KALRN: variants seen among roughly 807,000 people sequenced by gnomAD.
KALRN encodes the protein kalirin RhoGEF kinase.
KALRN carries 70 observed loss-of-function variants against 353.7 expected under a neutral mutation model. That is an observed-to-expected ratio of 0.20 (90% confidence interval 0.16 to 0.24). KALRN has a LOEUF of 0.24. KALRN is among the 10% of genes least tolerant of loss of function. The probability of loss-of-function intolerance (pLI) is 1.00; values close to 1 mark genes in which losing one functional copy is unlikely to be tolerated. For synonymous variants in KALRN, 1,391 were observed against 1,434.8 expected, an observed-to-expected ratio of 0.97 and a Z score of 0.69; for missense variants, 2,791 against 3,756.7, an observed-to-expected ratio of 0.74 and a Z score of 6.72.
rs1488983759 is a variant in KALRN, at chr3:124,661,915, T to G, written c.6332T>G (p.Leu2111Arg). 1.2e-6 allele frequency: 2 copies of G among 1,613,888 alleles called. No homozygotes were observed. Among genetic ancestry groups the G allele is most frequent in the Non-Finnish European group, 1.7e-6 (2 of 1,179,776 alleles). ...AATGACATGATGAATCTAGGACGTC[T>G]GCAGGGCTTTGAGGTGAGTCTTTAA... The part of the protein sequence containing the change: ...RCNDMMNLGR[L>R]QGFEGTLTAQ... The change falls in exon 45 of 60, where the codon CTG becomes CGG. Residue 2111 changes from leucine to arginine, a missense_variant. Physicochemically the swap from Leu to Arg is moderately radical, Grantham distance 102. Around this residue, in one of 11 missense-constraint regions of KALRN, gnomAD observed 1,065 missense variants for 1,156.4 expected, o/e 0.92. Coordinates refer to ENST00000682506, the MANE Select transcript of KALRN (RefSeq NM_001388419.1).
intron 1 of KALRN, among the ~76,000 whole-genome samples, chr3:124,123,689 T>A (rs1264012549): frequency 6.6e-6 from 1 of 152,186 alleles, no homozygotes; most frequent in Non-Finnish European, 1.5e-5. Flanking sequence ...AGAAGAGAAG[T>A]CACTGTCTGG....
intron 34 of KALRN, among the ~76,000 whole-genome samples, chr3:124,578,540 G>A: frequency 6.6e-6 from 1 of 152,226 alleles, no homozygotes; most frequent in East Asian, 1.9e-4. Flanking sequence ...CAGTGTGAGT[G>A]GCCTTGGGCC....
At chr3:124,642,956 A>G (rs1488927523) in intron 37 of KALRN, among the ~76,000 whole-genome samples, 1 of 151,738 alleles carries the variant, frequency 6.6e-6, no homozygotes, top group Non-Finnish European at 1.5e-5. Flanking sequence ...AGCTGGGATT[A>G]ACAGGCATGC....
In KALRN at chr3:124,719,604, C is replaced by T; in HGVS notation, c.*134C>T. The stretch of plus-strand genomic sequence containing the variant: ...GAATTGAGAGATGTACCTCTTAAAC[C>T]TCGTCAGTGGTTATTCAGGGTCTGA... On this transcript the variant is annotated 3_prime_UTR_variant, in exon 60 of 60. Coordinates refer to ENST00000682506, the MANE Select transcript of KALRN (RefSeq NM_001388419.1). This position sits in a 1 kb window ranked among gnomAD's most constrained non-coding sequence, Gnocchi z 5.3. 1 of 848,526 alleles carries T rather than the reference C, an allele frequency of 1.2e-6. No homozygotes were observed. The highest frequency in any genetic ancestry group is 1.8e-6 in the Non-Finnish European group (1 of 557,600). 52.6% of individuals were successfully genotyped at this position (848,526 alleles called of 1,614,324 possible).
chr3:124,075,002 T>C (rs1266564433), intron 1 of KALRN, among the ~76,000 whole-genome samples: 1 of 152,264 alleles, frequency 6.6e-6, no homozygotes, highest in Non-Finnish European at 1.5e-5. Context: ...TCTGAAAAAC[T>C]ATTACAAACA....
At chr3:124,513,317 G>C (rs1003356863) in intron 33 of KALRN, among the ~76,000 whole-genome samples, 1 of 152,214 alleles carries the variant, frequency 6.6e-6, no homozygotes, top group Non-Finnish European at 1.5e-5. Flanking sequence ...TTCATGAAGA[G>C]ATATGCAGTG....
At chr3:124,437,692 A>C (rs2093525040) in intron 17 of KALRN, among the ~76,000 whole-genome samples, 1 of 143,824 alleles carries the variant, frequency 7.0e-6, no homozygotes, top group South Asian at 2.2e-4. Context: ...TCCGTCTCAA[A>C]AAAAAAAAAA....
rs73858439 is a variant in KALRN at position 124,383,349 on chromosome 3, C to A, written c.1771-1496C>A. Among the ~76,000 whole-genome samples, 728 of 152,324 alleles carry A rather than the reference C, an allele frequency of 4.8e-3. 8 individuals carry two copies. The highest frequency in any genetic ancestry group is 0.017 in the African/African-American group (693 of 41,578). On this transcript the variant is annotated intron_variant, in intron 10 of 59. Transcript: ENST00000682506. ...CACCACGAGACTGTGACTTAGATAA[C>A]AACAATTTGTTTTCTCACAGTTCTG... is the stretch of plus-strand genomic sequence containing the variant.
chr3:124,349,245 T>G (rs1299958040), intron 10 of KALRN, among the ~76,000 whole-genome samples: 1 of 152,230 alleles, frequency 6.6e-6, no homozygotes, highest in Non-Finnish European at 1.5e-5. Context: ...AAATATTTTA[T>G]GATTCTACTT....
intron 26 of KALRN, among the ~76,000 whole-genome samples, chr3:124,475,632 T>A (rs1336177476): frequency 1.3e-5 from 2 of 152,218 alleles, no homozygotes; most frequent in African/African-American, 4.8e-5. Context: ...TCAACAGCCC[T>A]ATGTGATAGA....
chr3:124,717,200 T>G, intron 58 of KALRN, 47 bp from the exon 59 acceptor site: 1 of 1,525,524 alleles, frequency 6.6e-7, no homozygotes, highest in South Asian at 1.3e-5. Flanking sequence ...TTTTTCTATT[T>G]CTTCATTTCA....
chr3:124,657,730 T>C lies in KALRN; in HGVS notation c.5967-4T>C. Reference sequence around the variant, plus strand: ...TCCTTCTCTTATCCCCTTTCTCCTTTTAGTTTTTTCCTGGCGGAACTGGAA... The same window carrying C: ...TCCTTCTCTTATCCCCTTTCTCCTTCTAGTTTTTTCCTGGCGGAACTGGAA... On this transcript the variant is annotated splice_region_variant and splice_polypyrimidine_tract_variant and intron_variant, in intron 40 of 59. Coordinates refer to ENST00000682506, the MANE Select transcript of KALRN (RefSeq NM_001388419.1). 6.2e-7 allele frequency: 1 copy of C among 1,610,270 alleles called. No homozygotes were observed. Among genetic ancestry groups the C allele is most frequent in the South Asian group, 1.1e-5 (1 of 90,936 alleles).
At chr3:124,613,480 G>T (rs1179545892) in intron 34 of KALRN, among the ~76,000 whole-genome samples, 3 of 152,160 alleles carry the variant, frequency 2.0e-5, no homozygotes, top group African/African-American at 7.2e-5. Flanking sequence ...ATATCAGTTT[G>T]TTTTATCTGC....
At chr3:124,508,630 C>T (rs2065509572) in intron 33 of KALRN, among the ~76,000 whole-genome samples, 1 of 152,156 alleles carries the variant, frequency 6.6e-6, no homozygotes, top group African/African-American at 2.4e-5. Context: ...ATACATACCC[C>T]TGTGCATGTG....
At chr3:124,045,019 T>C (rs1320188) in intron 1 of KALRN, among the ~76,000 whole-genome samples, 145,773 of 152,010 alleles carry the variant, frequency 0.96, 70,217 homozygotes, top group East Asian at 1. Flanking sequence ...CAGGCGGGGA[T>C]TAGGGATGAG....
intron 5 of KALRN, among the ~76,000 whole-genome samples, chr3:124,287,114 C>T (rs996984820): frequency 2.0e-5 from 3 of 152,100 alleles, no homozygotes; most frequent in Non-Finnish European, 4.4e-5. Flanking sequence ...ATTCCTATAG[C>T]TTGGTGTTTC....
At chr3:124,368,799 T>C (rs1238349691) in intron 10 of KALRN, among the ~76,000 whole-genome samples, 4 of 152,010 alleles carry the variant, frequency 2.6e-5, no homozygotes, top group East Asian at 1.9e-4. Flanking sequence ...CGAGACTCCG[T>C]CTGCAATCCC....
At chr3:124,601,958 A>G (rs34977843) in intron 34 of KALRN, among the ~76,000 whole-genome samples, 23,209 of 150,960 alleles carry the variant, frequency 0.15, 1,928 homozygotes, top group Middle Eastern at 0.19. Context: ...TGTGGGAGGC[A>G]GAGATTATAG....
intron 34 of KALRN, among the ~76,000 whole-genome samples, chr3:124,591,782 T>G (rs1027831596): frequency 1.3e-5 from 2 of 152,238 alleles, no homozygotes; most frequent in African/African-American, 4.8e-5. Context: ...CAGTTGGTGG[T>G]AACACTGTAA....
Sources: gnomAD v4.1 joint callset for allele counts (sites outside exome capture counted in the v4.1 genomes callset) on GRCh38, gnomAD v4.1.1 for gene constraint, gnomAD v4.1.1 regional missense constraint, Gnocchi (gnomAD v3.1) non-coding constraint, MANE v1.5 for transcripts, NCBI Gene and HGNC (gene_info 2026-07-23, HGNC 2026-07-21) for gene names.